Variants in MACROD2 observed in about 807,000 individuals in gnomAD.
MACROD2 encodes mono-ADP ribosylhydrolase 2.
MACROD2 carries 36 observed loss-of-function variants against 70.4 expected under a neutral mutation model. That is an observed-to-expected ratio of 0.51 (90% confidence interval 0.39 to 0.68). MACROD2 has a LOEUF of 0.68. MACROD2 is among the 30% of genes least tolerant of loss of function. The pLI is 0.00. For missense variants in MACROD2, 496 were observed against 538.4 expected, an observed-to-expected ratio of 0.92 and a Z score of 0.78; for synonymous variants, 172 against 178.8, an observed-to-expected ratio of 0.96 and a Z score of 0.30.
chr20:15,074,584 G>A lies in MACROD2; in HGVS notation c.419-155356G>A, dbSNP rs1340404255. 4.6e-5 allele frequency among the ~76,000 whole-genome samples: 7 copies of A among 152,280 alleles called. No individual in the cohort carries two copies. In the East Asian group the frequency reaches 1.3e-3, roughly 29 times the overall value. On this transcript the variant is annotated intron_variant, in intron 5 of 17. Coordinates refer to ENST00000684519, the MANE Select transcript of MACROD2 (RefSeq NM_001351661.2). ...TTTCAACTTACATTTGAAGCCAGGG[G>A]GACAGTCTTGTGGGACTGAAACCTG...
At chr20:15,367,625 A>AT (rs1057404412) in intron 6 of MACROD2, among the ~76,000 whole-genome samples, 7 of 151,188 alleles carry the variant, frequency 4.6e-5, no homozygotes, top group Non-Finnish European at 8.9e-5. Context: ...AGGGTTTTAC[A>AT]TTTTTTTTTC....
intron 15 of MACROD2, among the ~76,000 whole-genome samples, chr20:16,005,728 G>A (rs535442740): frequency 5.3e-5 from 8 of 152,132 alleles, no homozygotes; most frequent in South Asian, 2.1e-4. Flanking sequence ...CTTTGGCTTC[G>A]CTTATTCACC....
chr20:14,705,999 A>G (rs78317375), intron 5 of MACROD2, among the ~76,000 whole-genome samples: 26 of 151,398 alleles, frequency 1.7e-4, no homozygotes, highest in Admixed American at 4.6e-4. Context: ...TTTTATTTTG[A>G]TTGATATTGC....
chr20:15,647,870 C>T (rs1018809268), intron 8 of MACROD2, among the ~76,000 whole-genome samples: 1 of 152,040 alleles, frequency 6.6e-6, no homozygotes, highest in African/African-American at 2.4e-5. Flanking sequence ...CAGGCGTGCA[C>T]CACCGCATCG....
chr20:14,698,730 A>G (rs1057379435), intron 5 of MACROD2, among the ~76,000 whole-genome samples: 1 of 151,220 alleles, frequency 6.6e-6, no homozygotes, highest in African/African-American at 2.4e-5. Flanking sequence ...ATATGTGCAC[A>G]TAGAAAACTT....
intron 8 of MACROD2, among the ~76,000 whole-genome samples, chr20:15,836,091 T>A (rs1403208021): frequency 2.0e-5 from 1 of 50,024 alleles, no homozygotes; most frequent in Non-Finnish European, 3.7e-5. Flanking sequence ...TGAGGGTGAC[T>A]CTTATATTTC....
chr20:15,700,186 G>C (rs1227973686), intron 8 of MACROD2, among the ~76,000 whole-genome samples: 2 of 152,140 alleles, frequency 1.3e-5, no homozygotes, highest in African/African-American at 4.8e-5. Context: ...TGTTCTTGCA[G>C]TTCTGAAGCT....
chr20:15,600,727 A>T (rs1204677353), intron 8 of MACROD2, among the ~76,000 whole-genome samples: 2 of 152,252 alleles, frequency 1.3e-5, no homozygotes, highest in Non-Finnish European at 2.9e-5. Flanking sequence ...TGAGATGAAT[A>T]CTACAAGCTA....
intron 5 of MACROD2, among the ~76,000 whole-genome samples, chr20:15,204,334 A>G (rs2076682664): frequency 6.6e-6 from 1 of 152,126 alleles, no homozygotes; most frequent in South Asian, 2.1e-4. Flanking sequence ...TGCAAAGATA[A>G]TTGCAATGGG....
intron 6 of MACROD2, among the ~76,000 whole-genome samples, chr20:15,231,683 T>A (rs1008596818): frequency 1.3e-5 from 2 of 152,080 alleles, no homozygotes; most frequent in African/African-American, 4.8e-5. Flanking sequence ...ACAATCGTGT[T>A]ACTCTATTTG....
At chr20:15,575,829 T>G (rs1151922) in intron 8 of MACROD2, among the ~76,000 whole-genome samples, 1 of 151,970 alleles carries the variant, frequency 6.6e-6, no homozygotes, top group Non-Finnish European at 1.5e-5. Flanking sequence ...CAGTCCCCCG[T>G]GTCTCTTTCC....
At chr20:15,980,631 T>C (rs548004723) in intron 13 of MACROD2, among the ~76,000 whole-genome samples, 4 of 152,300 alleles carry the variant, frequency 2.6e-5, no homozygotes, top group African/African-American at 9.6e-5. Context: ...GGCTTTAGGG[T>C]TGAATCTGTG....
intron 5 of MACROD2, among the ~76,000 whole-genome samples, chr20:15,033,764 TAGAAAG>T (rs1414566453): frequency 1.3e-5 from 2 of 152,194 alleles, no homozygotes; most frequent in South Asian, 2.1e-4. Flanking sequence ...CTGTCCATGT[TAGAAAG>T]AGAAAAGATC....
At chr20:15,663,232 ATT>A (rs34234600) in intron 8 of MACROD2, among the ~76,000 whole-genome samples, 7,351 of 129,650 alleles carry the variant, frequency 0.057, 293 homozygotes, top group East Asian at 0.17. Flanking sequence ...TCAGAATTTG[ATT>A]TTTTTTTTTT....
chr20:14,302,645 G>C (rs1374975682), intron 3 of MACROD2, among the ~76,000 whole-genome samples: 5 of 151,794 alleles, frequency 3.3e-5, no homozygotes, highest in African/African-American at 4.8e-5. Flanking sequence ...TTCAGACTTG[G>C]AAGTGTTTTT....
At chr20:14,352,205 T>C (rs1278130249) in intron 3 of MACROD2, 1 of 152,154 alleles carries the variant, frequency 6.6e-6, no homozygotes, top group Non-Finnish European at 1.5e-5. Flanking sequence ...TTGGTGTGTC[T>C]AACTTATTTG....
chr20:14,702,661 G>T (rs1427469885), intron 5 of MACROD2, among the ~76,000 whole-genome samples: 1 of 73,594 alleles, frequency 1.4e-5, no homozygotes, highest in Admixed American at 1.7e-4. Context: ...ACATATATAT[G>T]TGTATATATA....
At chr20:14,582,789 T>G (rs1258676443) in intron 4 of MACROD2, among the ~76,000 whole-genome samples, 1 of 152,144 alleles carries the variant, frequency 6.6e-6, no homozygotes, top group East Asian at 1.9e-4. Context: ...TTGTTGAGCA[T>G]CAGATGTTTG....
chr20:15,679,104 G>C (rs575357260), intron 8 of MACROD2, among the ~76,000 whole-genome samples: 1 of 152,204 alleles, frequency 6.6e-6, no homozygotes, highest in East Asian at 1.9e-4. Flanking sequence ...GGGTGTAGTG[G>C]CACATGTCTA....
Sources: allele counts gnomAD v4.1 joint callset (sites outside exome capture counted in the v4.1 genomes callset), GRCh38; gene constraint gnomAD v4.1.1; transcripts MANE v1.5; gene names NCBI Gene and HGNC (gene_info 2026-07-23, HGNC 2026-07-21).